The following EVC2 variants were observed in gnomAD, a reference collection of about 807,000 sequenced individuals.
EVC2 encodes limbin.
A neutral mutation model predicts 149.3 loss-of-function variants in EVC2; 148 were observed. That is an observed-to-expected ratio of 0.99 (90% CI 0.87 to 1.14). EVC2 has a LOEUF of 1.14. Ranked by LOEUF, EVC2 falls within the 50% of genes most tolerant of loss-of-function variation. EVC2 has a pLI of 0.00. For synonymous variants in EVC2, 776 were observed against 649.9 expected, an observed-to-expected ratio of 1.19 and a Z score of -2.95; for missense variants, 1,854 against 1,627.3, an observed-to-expected ratio of 1.14 and a Z score of -2.40.
At chr4:5,703,655 T>C (rs570793944) in intron 1 of EVC2, among the ~76,000 whole-genome samples, 12 of 152,248 alleles carry the variant, frequency 7.9e-5, no homozygotes, top group South Asian at 2.1e-4. Context: ...ACCTACTATG[T>C]GCTATTTTGA....
intron 9 of EVC2, among the ~76,000 whole-genome samples, chr4:5,650,671 A>AGAGAGAGAGAGAGAGAGAGAGAGGGC (rs35334619): frequency 9.8e-6 from 1 of 102,414 alleles, no homozygotes; most frequent in Non-Finnish European, 1.9e-5. Flanking sequence ...AGAGAGAGAG[A>AGAGAGAGAGAGAGAGAGAGAGAGGGC]GCCATTTAAT....
rs922433817 is a variant in EVC2 at position 5,636,296 on chromosome 4, G to A, written c.1470+4218C>T. ...TTGAGAACTATAAGGCATTATATAC[G>A]CATTTAAATATTATAGTATGAACAA... On this transcript the variant is annotated intron_variant, in intron 10 of 21. Coordinates refer to ENST00000344408, the MANE Select transcript of EVC2 (RefSeq NM_147127.5). This position sits in a 1 kb window ranked among gnomAD's most constrained non-coding sequence, Gnocchi z 4.6. Among the ~76,000 whole-genome samples, 10 of 152,040 alleles carry A rather than the reference G, an allele frequency of 6.6e-5. No homozygotes were observed. Among genetic ancestry groups the A allele is most frequent in the Non-Finnish European group, 1.2e-4 (8 of 68,018 alleles).
chr4:5,693,405 A>T (rs867617521), intron 3 of EVC2, among the ~76,000 whole-genome samples: 2 of 152,248 alleles, frequency 1.3e-5, no homozygotes, highest in Non-Finnish European at 2.9e-5. Context: ...AAGTGTCCTT[A>T]TAAGTGGCAC....
chr4:5,663,396 C>T (rs1719035669), intron 8 of EVC2, 150 bp from the exon 9 acceptor site: 27 of 1,018,076 alleles, frequency 2.7e-5, no homozygotes, highest in South Asian at 4.0e-5. Context: ...CAAGCTTTTG[C>T]GAATGTCCCT....
At position 5,636,475 on chromosome 4, in the gene EVC2, C is replaced by T. The variant is rs1221607313; in HGVS notation, c.1470+4039G>A. Among the ~76,000 whole-genome samples the T allele has an allele frequency of 6.6e-6, 1 of 152,140 alleles. No individual in the cohort carries two copies. The highest frequency in any genetic ancestry group is 1.9e-4 in the East Asian group (1 of 5,198). ...TATTCCCTAAACAACATTCCCTAAA[C>T]TATTTTTTATGCATTTATACAAACT... is the stretch of plus-strand genomic sequence containing the variant. On this transcript the variant is annotated intron_variant, in intron 10 of 21. Coordinates refer to ENST00000344408, the MANE Select transcript of EVC2 (RefSeq NM_147127.5). This position sits in a 1 kb window ranked among gnomAD's most constrained non-coding sequence, Gnocchi z 4.6.
chr4:5,593,874 G>A (rs951212823), intron 16 of EVC2, among the ~76,000 whole-genome samples: 1 of 152,198 alleles, frequency 6.6e-6, no homozygotes, highest in Admixed American at 6.5e-5. Context: ...CCCTAACACT[G>A]CGCTTTTCCG....
chr4:5,637,981 C>T lies in EVC2; in HGVS notation c.1470+2533G>A, dbSNP rs1018193843. The stretch of plus-strand genomic sequence containing the variant: ...AATGTAAAAAAACATTCTCAACTTG[C>T]AGGCCACATAAAAACAAGCTGGGTA... On this transcript the variant is annotated intron_variant, in intron 10 of 21. Transcript: ENST00000344408. This position sits in a 1 kb window ranked among gnomAD's most constrained non-coding sequence, Gnocchi z 4.4. Among the ~76,000 whole-genome samples, 2 of 152,128 alleles carry T rather than the reference C, an allele frequency of 1.3e-5. No homozygotes were observed. Among genetic ancestry groups the T allele is most frequent in the Admixed American group, 1.3e-4 (2 of 15,278 alleles).
intron 7 of EVC2, among the ~76,000 whole-genome samples, chr4:5,669,318 C>T (rs576981025): frequency 2.2e-4 from 34 of 152,290 alleles, no homozygotes; most frequent in African/African-American, 7.9e-4. Context: ...TTCTGTAATC[C>T]TGTGGAACAC....
downstream of EVC2, chr4:5,562,363 AGGGAACAAAACGTAAGACGT>A: frequency 1.2e-6 from 1 of 845,432 alleles, no homozygotes; most frequent in Non-Finnish European, 1.5e-6. This position sits in a 1 kb window ranked among gnomAD's most constrained non-coding sequence, Gnocchi z 4.3. Context: ...AACACCACAC[AGGGAACAAAACGTAAGACGT>A]AATTTCAAAT....
At chr4:5,659,928 C>T (rs1256672592) in intron 9 of EVC2, among the ~76,000 whole-genome samples, 1 of 152,216 alleles carries the variant, frequency 6.6e-6, no homozygotes, top group African/African-American at 2.4e-5. Flanking sequence ...AATCATTTCA[C>T]TCTACTTTTC....
intron 21 of EVC2, among the ~76,000 whole-genome samples, chr4:5,551,761 A>G (rs965787458): frequency 6.6e-6 from 1 of 152,160 alleles, no homozygotes; most frequent in Non-Finnish European, 1.5e-5. Flanking sequence ...TGTGGGAGGG[A>G]CACGGTGGGA....
Position 5,637,269 on chromosome 4 carries a change from C to T in EVC2, c.1470+3245G>A, listed in dbSNP as rs757613733. On this transcript the variant is annotated intron_variant, in intron 10 of 21. Coordinates refer to ENST00000344408, the MANE Select transcript of EVC2 (RefSeq NM_147127.5). This position sits in a 1 kb window ranked among gnomAD's most constrained non-coding sequence, Gnocchi z 4.4. ...CCCCACAGGACGGGTTCACATGGGG[C>T]GCACAGCAGGGGGACGTAACCTCCA... Among the ~76,000 whole-genome samples, 28 of 152,282 alleles carry T rather than the reference C, an allele frequency of 1.8e-4. No homozygotes were observed. The highest frequency in any genetic ancestry group is 6.2e-4 in the South Asian group (3 of 4,820).
chr4:5,603,278 T>C (rs1392942095), intron 16 of EVC2, among the ~76,000 whole-genome samples: 1 of 152,128 alleles, frequency 6.6e-6, no homozygotes, highest in South Asian at 2.1e-4. Context: ...TCTCTCAAAA[T>C]GGTGCTTCAG....
chr4:5,672,585 C>T (rs1265881376), intron 7 of EVC2, among the ~76,000 whole-genome samples: 1 of 152,148 alleles, frequency 6.6e-6, no homozygotes, highest in African/African-American at 2.4e-5. Flanking sequence ...CCCCTTTCCA[C>T]ACTGTGGGAG....
At chr4:5,703,066 G>C (rs1721927948) in intron 1 of EVC2, among the ~76,000 whole-genome samples, 1 of 151,980 alleles carries the variant, frequency 6.6e-6, no homozygotes, top group Admixed American at 6.6e-5. Context: ...ATCATCAATA[G>C]GTTCATGGCA....
intron 21 of EVC2, among the ~76,000 whole-genome samples, chr4:5,544,582 A>G (rs1721578180): frequency 6.6e-6 from 1 of 152,242 alleles, no homozygotes; most frequent in African/African-American, 2.4e-5. Context: ...CAGGTCCCCA[A>G]GAGGGAAGAG....
At chr4:5,543,214 T>C (rs1292013213) in intron 21 of EVC2, 2 of 1,289,752 alleles carry the variant, frequency 1.6e-6, no homozygotes, top group Admixed American at 2.3e-5. Context: ...TTCCCTGACC[T>C]GGAACAGGAT....
chr4:5,602,210 C>T (rs1167101338), intron 16 of EVC2, among the ~76,000 whole-genome samples: 4 of 150,150 alleles, frequency 2.7e-5, no homozygotes, highest in African/African-American at 9.8e-5. Flanking sequence ...TCACTTGTAC[C>T]ACCCTGGAGT....
intron 4 of EVC2, 123 bp downstream of exon 4, chr4:5,691,142 G>C: frequency 1.2e-6 from 1 of 809,978 alleles, no homozygotes; most frequent in Non-Finnish European, 2.1e-6. Flanking sequence ...CATTGCTCAT[G>C]TGTCTAGACT....
Sources: gnomAD v4.1 joint callset for allele counts (sites outside exome capture counted in the v4.1 genomes callset) on GRCh38, gnomAD v4.1.1 for gene constraint, Gnocchi (gnomAD v3.1) non-coding constraint, MANE v1.5 for transcripts, NCBI Gene and HGNC (gene_info 2026-07-23, HGNC 2026-07-21) for gene names.